The following RAPGEF6 variants were observed in gnomAD, a reference collection of about 807,000 sequenced individuals.
RAPGEF6 encodes PDZ domain containing guanine nucleotide exchange factor (GEF) 2.
A neutral mutation model predicts 171.4 loss-of-function variants in RAPGEF6; 56 were observed. The observed-to-expected ratio is 0.33, with a 90% confidence interval of 0.26 to 0.41. The LOEUF (loss-of-function observed/expected upper bound fraction) is 0.41. Ranked by LOEUF, RAPGEF6 falls within the 10% of genes least tolerant of loss-of-function variation. The pLI is 1.00. For missense variants in RAPGEF6, 1,674 were observed against 1,921.4 expected (o/e 0.87, Z 2.41); for synonymous variants, 692 against 650.1 (o/e 1.06, Z -0.98).
chr5:131,570,041 CAAAAAAAA>C (rs34729268), intron 4 of RAPGEF6, among the ~76,000 whole-genome samples: 3 of 27,474 alleles, frequency 1.1e-4, no homozygotes, highest in East Asian at 2.2e-3. Flanking sequence ...GACTCTGTCT[CAAAAAAAA>C]AAAAAAAAAA....
rs761958100 is a variant in RAPGEF6 at position 131,424,008 on chromosome 5, A to T, written c.*3258T>A. On this transcript the variant is annotated 3_prime_UTR_variant, in exon 28 of 28. Transcript: ENST00000509018. Reference sequence around the variant, plus strand: ...TTTTTACATTCTCTTAACCAAAAATATAACAAATATTTACACTCAGTAAAA... The same window carrying T: ...TTTTTACATTCTCTTAACCAAAAATTTAACAAATATTTACACTCAGTAAAA... 3.3e-5 allele frequency: 5 copies of T among 152,382 alleles called. No homozygotes were observed. Among genetic ancestry groups the T allele is most frequent in the African/African-American group, 1.2e-4 (5 of 41,474 alleles). The allele number at this position is 152,382 out of a possible 1,614,324, so 9.4% of individuals were successfully genotyped here.
chr5:131,489,164 T>C lies in RAPGEF6; in HGVS notation c.1840+382A>G, dbSNP rs1350239565. 3.3e-4 allele frequency among the ~76,000 whole-genome samples: 50 copies of C among 152,178 alleles called. 1 individual carries two copies. Among genetic ancestry groups the C allele is most frequent in the Admixed American group, 3.3e-3 (50 of 15,278 alleles). On this transcript the variant is annotated intron_variant, in intron 15 of 27. Transcript: ENST00000509018. Reference sequence around the variant, plus strand: ...ATTCATATTACTTCAGAAAGCTGGCTTAAAGATTAGAAGTAGACTAATTTG... The same window carrying C: ...ATTCATATTACTTCAGAAAGCTGGCCTAAAGATTAGAAGTAGACTAATTTG...
intron 7 of RAPGEF6, among the ~76,000 whole-genome samples, chr5:131,510,764 T>G (rs1275242821): frequency 1.3e-5 from 2 of 152,210 alleles, no homozygotes; most frequent in African/African-American, 4.8e-5. Flanking sequence ...ACTAAATGTA[T>G]TAATATCTGT....
intron 7 of RAPGEF6, among the ~76,000 whole-genome samples, chr5:131,514,020 C>T (rs1323417645): frequency 6.6e-6 from 1 of 152,042 alleles, no homozygotes; most frequent in Admixed American, 6.6e-5. Flanking sequence ...AGTGTGAGAA[C>T]GTGTCTCAAA....
At chr5:131,590,000 C>T (rs780603520) in intron 4 of RAPGEF6, among the ~76,000 whole-genome samples, 6 of 152,218 alleles carry the variant, frequency 3.9e-5, no homozygotes, top group Non-Finnish European at 7.3e-5. Flanking sequence ...GTCTGTCTCC[C>T]TTTCAAGTTT....
At chr5:131,493,470 T>C (rs1211156574) in intron 13 of RAPGEF6, among the ~76,000 whole-genome samples, 3 of 152,220 alleles carry the variant, frequency 2.0e-5, no homozygotes, top group Non-Finnish European at 4.4e-5. Flanking sequence ...ATTCAAAACC[T>C]TGAACAACTT....
At chr5:131,466,046 G>A (rs1448898347) in intron 17 of RAPGEF6, among the ~76,000 whole-genome samples, 2 of 147,352 alleles carry the variant, frequency 1.4e-5, no homozygotes, top group African/African-American at 2.5e-5. Flanking sequence ...AGATATGGCA[G>A]GAAATATTTT....
rs773549654 is a variant in RAPGEF6 at position 131,492,741 on chromosome 5, T to C, written c.1572A>G (p.Ala524=). The change falls in exon 14 of 28, where the codon GCA becomes GCG. Residue 524 remains alanine (A), a synonymous_variant. Coordinates refer to ENST00000509018, the MANE Select transcript of RAPGEF6 (RefSeq NM_016340.6). ...HLRLLNIACA[A]KAKWRQVVLQ... is the part of the protein sequence containing the mutation. ...GCACAACCTGTCTCCACTTAGCCTT[T>C]GCAGCACAGGCAATATTCAATAACC... is the stretch of plus-strand genomic sequence containing the variant. 4.3e-6 allele frequency: 7 copies of C among 1,614,088 alleles called. No homozygotes were observed. The East Asian group carries it at 1.6e-4, about 36-fold the overall frequency.
chr5:131,482,005 T>C (rs575110435), intron 15 of RAPGEF6, among the ~76,000 whole-genome samples: 6 of 152,272 alleles, frequency 3.9e-5, no homozygotes, highest in South Asian at 2.1e-4. Flanking sequence ...ACAAGTAAGA[T>C]AGAAATGGAT....
chr5:131,545,090 CG>C (rs1760428248), intron 6 of RAPGEF6, among the ~76,000 whole-genome samples: 1 of 151,992 alleles, frequency 6.6e-6, no homozygotes. Context: ...CAACACTCAA[CG>C]GAGCTTCAAA....
At chr5:131,609,998 C>G (rs1764843712) in intron 1 of RAPGEF6, among the ~76,000 whole-genome samples, 3 of 152,216 alleles carry the variant, frequency 2.0e-5, no homozygotes, top group Non-Finnish European at 4.4e-5. Flanking sequence ...CCAGAAGCAA[C>G]TGGCCTCACA....
intron 4 of RAPGEF6, among the ~76,000 whole-genome samples, chr5:131,566,740 T>A (rs1761965459): frequency 6.6e-6 from 1 of 152,080 alleles, no homozygotes; most frequent in Non-Finnish European, 1.5e-5. Context: ...TTTTTCTTTT[T>A]TTTTTTTGAG....
At chr5:131,502,324 T>C (rs1757077953) in intron 11 of RAPGEF6, among the ~76,000 whole-genome samples, 1 of 152,250 alleles carries the variant, frequency 6.6e-6, no homozygotes, top group Admixed American at 6.5e-5. Flanking sequence ...CAGTGCATAC[T>C]ATACATAAAC....
intron 7 of RAPGEF6, among the ~76,000 whole-genome samples, chr5:131,511,033 C>T (rs952860410): frequency 6.6e-6 from 1 of 152,082 alleles, no homozygotes; most frequent in African/African-American, 2.4e-5. Flanking sequence ...AAGGACTGAA[C>T]AAATACTCTT....
At chr5:131,483,348 CAAAAA>C (rs10637299) in intron 15 of RAPGEF6, among the ~76,000 whole-genome samples, 1 of 121,966 alleles carries the variant, frequency 8.2e-6, no homozygotes. Flanking sequence ...GACTCTGTCT[CAAAAA>C]AAAAAAAAAA....
chr5:131,543,965 C>T (rs1183912131), intron 6 of RAPGEF6, among the ~76,000 whole-genome samples: 4 of 151,938 alleles, frequency 2.6e-5, no homozygotes, highest in Admixed American at 6.6e-5. Flanking sequence ...AGGCTCAACA[C>T]CGTAAGTCAT....
At chr5:131,511,777 A>T (rs1757747395) in intron 7 of RAPGEF6, among the ~76,000 whole-genome samples, 1 of 152,186 alleles carries the variant, frequency 6.6e-6, no homozygotes, top group South Asian at 2.1e-4. Flanking sequence ...CTGGGATTAC[A>T]GGGTGAGCCA....
At chr5:131,427,323 G>T in intron 27 of RAPGEF6, 32 bp from the exon 28 acceptor site, 1 of 1,546,420 alleles carries the variant, frequency 6.5e-7, no homozygotes, top group South Asian at 1.1e-5. Context: ...TTAACTGGCA[G>T]ATCAGCATAT....
chr5:131,441,155 T>G (rs915052777), intron 23 of RAPGEF6, among the ~76,000 whole-genome samples: 3 of 152,230 alleles, frequency 2.0e-5, no homozygotes, highest in Non-Finnish European at 4.4e-5. Flanking sequence ...TCTTGGAAGC[T>G]GTTTAGTACA....
Sources: allele counts gnomAD v4.1 joint callset (sites outside exome capture counted in the v4.1 genomes callset), GRCh38; gene constraint gnomAD v4.1.1; transcripts MANE v1.5; gene names NCBI Gene and HGNC (gene_info 2026-07-23, HGNC 2026-07-21).